The following CNOT2 variants were observed in gnomAD, a reference collection of about 807,000 sequenced individuals.
The protein encoded by CNOT2 is CC chemokine receptor 4-negative regulator of transcription 2.
CNOT2 carries 7 observed loss-of-function variants against 72.1 expected under a neutral mutation model. The observed-to-expected ratio is 0.10, with a 90% confidence interval of 0.06 to 0.18. The LOEUF (loss-of-function observed/expected upper bound fraction) is 0.18. Ranked by LOEUF, CNOT2 falls within the 10% of genes least tolerant of loss-of-function variation. The pLI, the probability that CNOT2 is intolerant of heterozygous loss-of-function variation, is 1.00. For synonymous variants in CNOT2, 196 were observed against 225.6 expected (o/e 0.87, Z 1.17); for missense variants, 345 against 660.3 (o/e 0.52, Z 5.23).
At chr12:70,335,325 T>C in intron 7 of CNOT2, 113 bp from the exon 8 acceptor site, 1 of 742,594 alleles carries the variant, frequency 1.3e-6, no homozygotes, top group Non-Finnish European at 2.3e-6. Flanking sequence ...TACAGTGCCG[T>C]GCATTATTTA....
chr12:70,275,640 A>G (rs562866832), intron 1 of CNOT2, among the ~76,000 whole-genome samples: 145 of 152,224 alleles, frequency 9.5e-4, no homozygotes, highest in African/African-American at 3.4e-3. Flanking sequence ...CTTGCCTTAT[A>G]GAAAATTTCA....
At chr12:70,302,032 G>A (rs1253187674) in intron 2 of CNOT2, among the ~76,000 whole-genome samples, 1 of 152,132 alleles carries the variant, frequency 6.6e-6, no homozygotes, top group Non-Finnish European at 1.5e-5. Context: ...ATTCTCTGAT[G>A]GTGGTATGTA....
intron 2 of CNOT2, among the ~76,000 whole-genome samples, chr12:70,291,228 T>C (rs1481492098): frequency 6.6e-6 from 1 of 152,186 alleles, no homozygotes; most frequent in East Asian, 1.9e-4. Flanking sequence ...TTTAAAAAAA[T>C]CTGTGTTGTA....
At position 70,354,091 on chromosome 12, in the gene CNOT2, A is replaced by T. The variant is rs1883210259; in HGVS notation, c.*176A>T. 1.7e-6 allele frequency: 2 copies of T among 1,157,234 alleles called. No individual in the cohort carries two copies. Among genetic ancestry groups the T allele is most frequent in the South Asian group, 4.9e-5 (2 of 40,490 alleles). 71.7% of individuals were successfully genotyped at this position (1,157,234 alleles called of 1,614,324 possible). The stretch of plus-strand genomic sequence containing the variant: ...CATTTGAGGTCCTGCCTTACTAATT[A>T]TGTGCTGCCCAACAACTAAATTTGT... On this transcript the variant is annotated 3_prime_UTR_variant, in exon 16 of 16. Coordinates refer to ENST00000229195, the MANE Select transcript of CNOT2 (RefSeq NM_014515.7).
chr12:70,281,071 T>C (rs1218728001), intron 2 of CNOT2, among the ~76,000 whole-genome samples: 1 of 151,132 alleles, frequency 6.6e-6, no homozygotes, highest in Non-Finnish European at 1.5e-5. Context: ...ATTTAACTAA[T>C]CAATGGCTTT....
chr12:70,324,729 TC>T (rs2136003676), intron 4 of CNOT2, among the ~76,000 whole-genome samples: 1 of 151,988 alleles, frequency 6.6e-6, no homozygotes, highest in South Asian at 2.1e-4. Context: ...GCCACTTAGC[TC>T]CATCCATGTT....
intron 1 of CNOT2, among the ~76,000 whole-genome samples, chr12:70,252,123 T>C (rs1958168792): frequency 6.6e-6 from 1 of 152,216 alleles, no homozygotes; most frequent in African/African-American, 2.4e-5. Flanking sequence ...CCTAAATTAA[T>C]GTTTTTAAAG....
intron 2 of CNOT2, among the ~76,000 whole-genome samples, chr12:70,284,047 T>C (rs1007247921): frequency 2.7e-5 from 4 of 150,414 alleles, no homozygotes; most frequent in Admixed American, 2.0e-4. Flanking sequence ...GTTGAAGCGA[T>C]TCTCCTGCCT....
intron 1 of CNOT2, among the ~76,000 whole-genome samples, chr12:70,272,994 A>C (rs1005642616): frequency 1.3e-5 from 2 of 151,968 alleles, no homozygotes; most frequent in African/African-American, 4.8e-5. Context: ...TCTCTTATTA[A>C]TGCCATCCAC....
intron 2 of CNOT2, among the ~76,000 whole-genome samples, chr12:70,310,154 G>T (rs1364857720): frequency 6.6e-6 from 1 of 152,074 alleles, no homozygotes; most frequent in Non-Finnish European, 1.5e-5. Context: ...TTATGTGAGA[G>T]AATTGAGCAT....
At chr12:70,255,481 A>G (rs1958394047) in intron 1 of CNOT2, among the ~76,000 whole-genome samples, 1 of 152,116 alleles carries the variant, frequency 6.6e-6, no homozygotes, top group African/African-American at 2.4e-5. Flanking sequence ...TTAAAAGTAA[A>G]TACCATATAA....
At chr12:70,351,693 A>G (rs79958236) in intron 15 of CNOT2, among the ~76,000 whole-genome samples, 3,750 of 152,258 alleles carry the variant, frequency 0.025, 163 homozygotes, top group African/African-American at 0.085. Context: ...GGAAGTTACA[A>G]TTAGACTTTT....
At chr12:70,314,894 G>T (rs1003577399) in intron 3 of CNOT2, among the ~76,000 whole-genome samples, 2 of 151,724 alleles carry the variant, frequency 1.3e-5, no homozygotes, top group Non-Finnish European at 2.9e-5. Context: ...ACAGAATTTC[G>T]CTCTTGTTGC....
At chr12:70,264,261 G>T (rs1353147764) in intron 1 of CNOT2, among the ~76,000 whole-genome samples, 1 of 152,138 alleles carries the variant, frequency 6.6e-6, no homozygotes, top group Non-Finnish European at 1.5e-5. Context: ...CTAGCCCGTG[G>T]TTTAACTTGT....
rs1308109820 is a variant in CNOT2 at position 70,354,047 on chromosome 12, G to A, written c.*132G>A. The A allele has an allele frequency of 7.1e-7, 1 of 1,409,086 alleles. No homozygotes were observed. Among genetic ancestry groups the A allele is most frequent in the African/African-American group, 1.5e-5 (1 of 68,894 alleles). The allele number at this position is 1,409,086 out of a possible 1,614,324, so 87.3% of individuals were successfully genotyped here. A position where few individuals can be genotyped will look rare whatever the true frequency, so the allele number is the denominator to read the frequency against. On this transcript the variant is annotated 3_prime_UTR_variant, in exon 16 of 16. Coordinates refer to ENST00000229195, the MANE Select transcript of CNOT2 (RefSeq NM_014515.7). ...TTAATTCCTTGAGGATCTGGCAATT[G>A]GCTTACGCAAAAGGTCACCATTTGA...
chr12:70,346,382 C>G (rs1882172217), intron 15 of CNOT2, 58 bp downstream of exon 15: 1 of 1,432,426 alleles, frequency 7.0e-7, no homozygotes, highest in Non-Finnish European at 9.8e-7. Context: ...GAAGTGTCCT[C>G]TTTTATCTGT....
At chr12:70,348,376 G>A (rs1305119766) in intron 15 of CNOT2, among the ~76,000 whole-genome samples, 1 of 152,144 alleles carries the variant, frequency 6.6e-6, no homozygotes, top group African/African-American at 2.4e-5. Context: ...GGTGGGGCCT[G>A]AGAATTGCAT....
intron 6 of CNOT2, chr12:70,331,468 G>A (rs904660699): frequency 6.6e-6 from 1 of 151,512 alleles, no homozygotes; most frequent in Non-Finnish European, 1.5e-5. Flanking sequence ...ATAGTATTGG[G>A]CATTGAATGT....
chr12:70,245,274 A>C (rs545331420), intron 1 of CNOT2, among the ~76,000 whole-genome samples: 1 of 152,230 alleles, frequency 6.6e-6, no homozygotes, highest in South Asian at 2.1e-4. Context: ...CTTAAAGACA[A>C]AACATGTTCC....
Sources: allele counts gnomAD v4.1 joint callset (sites outside exome capture counted in the v4.1 genomes callset), GRCh38; gene constraint gnomAD v4.1.1; transcripts MANE v1.5; gene names NCBI Gene and HGNC (gene_info 2026-07-23, HGNC 2026-07-21).